The following ABCC4 variants were observed in gnomAD, a reference collection of about 807,000 sequenced individuals.
ABCC4 encodes ATP binding cassette subfamily C member 4 (PEL blood group), also known as ATP-binding cassette sub-family C member 4.
A neutral mutation model predicts 168.5 loss-of-function variants in ABCC4; 102 were observed. The ratio of observed to expected loss-of-function variants is 0.61; its 90% CI spans 0.52 to 0.71. ABCC4 has a LOEUF of 0.71. Ranked by LOEUF, ABCC4 falls within the 30% of genes least tolerant of loss-of-function variation. The pLI is 0.00. For synonymous variants in ABCC4, 617 were observed against 590.7 expected, an observed-to-expected ratio of 1.04 and a Z score of -0.65; for missense variants, 1,402 against 1,605.8, an observed-to-expected ratio of 0.87 and a Z score of 2.17.
intron 1 of ABCC4, among the ~76,000 whole-genome samples, chr13:95,270,662 C>G (rs2040824612): frequency 1.3e-5 from 2 of 152,190 alleles, no homozygotes; most frequent in Admixed American, 1.3e-4. Context: ...GATACTAAGT[C>G]TGGGACAGAG....
intron 1 of ABCC4, among the ~76,000 whole-genome samples, chr13:95,297,743 G>T (rs767635310): frequency 1.3e-5 from 2 of 152,192 alleles, no homozygotes; most frequent in Non-Finnish European, 2.9e-5. Flanking sequence ...GGCCGAGGCA[G>T]GCAGATCGCT....
chr13:95,110,977 A>G (rs35550449), intron 20 of ABCC4, among the ~76,000 whole-genome samples: 25,195 of 111,346 alleles, frequency 0.23, 1,809 homozygotes, highest in Middle Eastern at 0.32. Flanking sequence ...CAGAAAAAAA[A>G]AAAGAAAGAA....
chr13:95,043,874 T>TA (rs4148539), intron 28 of ABCC4, 87 bp from the exon 29 acceptor site: 2,072 of 761,326 alleles, frequency 2.7e-3, no homozygotes, highest in South Asian at 4.0e-3. Flanking sequence ...AATAGAGATT[T>TA]AAAAAAAAAA....
chr13:95,254,880 G>A (rs1195605767), intron 1 of ABCC4, among the ~76,000 whole-genome samples: 1 of 152,086 alleles, frequency 6.6e-6, no homozygotes, highest in Non-Finnish European at 1.5e-5. Flanking sequence ...GTTGTTTGCT[G>A]CTAAGCCACC....
intron 19 of ABCC4, 32 bp downstream of exon 19, chr13:95,161,157 A>T (rs779430297): frequency 6.4e-7 from 1 of 1,552,104 alleles, no homozygotes; most frequent in African/African-American, 1.4e-5. Flanking sequence ...TTAACAAGAC[A>T]TACTTACTGA....
Position 95,074,309 on chromosome 13 carries a change from A to C in ABCC4, c.2822T>G (p.Phe941Cys), listed in dbSNP as rs749725711. The change falls in exon 23 of 31, where the codon TTT becomes TGT. Residue 941 changes from phenylalanine (F) to cysteine (C), a missense_variant. By Grantham distance (205) the Phe-to-Cys change is radical. Transcript: ENST00000645237. The part of the protein sequence containing the change: ...QDLHSEAWFL[F>C]LTTSRWFAVR... ...GGCAAACCAGCGGGACGTTGTCAAA[A>C]ACAAGAACCAAGCCTCTGAATTTGA... is the stretch of plus-strand genomic sequence containing the variant. 1.5e-5 allele frequency: 24 copies of C among 1,612,722 alleles called. No individual in the cohort carries two copies. Among genetic ancestry groups the C allele is most frequent in the Non-Finnish European group, 2.0e-5 (24 of 1,179,430 alleles).
chr13:95,191,222 T>C (rs2038242103), intron 9 of ABCC4, among the ~76,000 whole-genome samples: 1 of 152,002 alleles, frequency 6.6e-6, no homozygotes, highest in Non-Finnish European at 1.5e-5. Context: ...AAATGAAAAA[T>C]TTACCTGGAA....
At chr13:95,222,089 C>T (rs947629673) in intron 4 of ABCC4, among the ~76,000 whole-genome samples, 2 of 152,176 alleles carry the variant, frequency 1.3e-5, no homozygotes, top group African/African-American at 4.8e-5. Flanking sequence ...GATGCTGGAG[C>T]CCCTCAGTCT....
At chr13:95,225,153 TCACACACACACACACACACACA>T (rs61398515) in intron 4 of ABCC4, among the ~76,000 whole-genome samples, 10 of 35,226 alleles carry the variant, frequency 2.8e-4, no homozygotes, top group South Asian at 1.6e-3. Context: ...TCTCTCTCTC[TCACACACACACACACACACACA>T]CACACACACA....
At chr13:95,152,654 T>C (rs1188500509) in intron 19 of ABCC4, among the ~76,000 whole-genome samples, 2 of 152,172 alleles carry the variant, frequency 1.3e-5, no homozygotes, top group East Asian at 3.8e-4. Context: ...AAACAAAATG[T>C]CACAACCTCA....
intron 20 of ABCC4, among the ~76,000 whole-genome samples, chr13:95,087,832 T>C (rs1436780590): frequency 2.0e-5 from 3 of 152,168 alleles, no homozygotes; most frequent in African/African-American, 7.2e-5. Context: ...AGGTCCCACC[T>C]GGGGAGATCT....
chr13:95,131,837 A>G (rs1408808662), intron 19 of ABCC4, among the ~76,000 whole-genome samples: 3 of 152,140 alleles, frequency 2.0e-5, no homozygotes, highest in Non-Finnish European at 4.4e-5. Context: ...GAATTCTTGT[A>G]TATAGTTGGG....
chr13:95,235,544 C>T (rs1309866014), intron 3 of ABCC4, among the ~76,000 whole-genome samples: 1 of 152,180 alleles, frequency 6.6e-6, no homozygotes, highest in African/African-American at 2.4e-5. Flanking sequence ...CCCACAGGCT[C>T]GTCTATGGGA....
chr13:95,118,095 C>T (rs935468636), intron 19 of ABCC4, among the ~76,000 whole-genome samples: 9 of 152,108 alleles, frequency 5.9e-5, no homozygotes, highest in Non-Finnish European at 1.3e-4. Context: ...CACACAGCTA[C>T]GCCAATAACT....
At chr13:95,173,838 T>C (rs772490767) in intron 13 of ABCC4, among the ~76,000 whole-genome samples, 12 of 152,148 alleles carry the variant, frequency 7.9e-5, no homozygotes, top group African/African-American at 2.2e-4. Context: ...ATGGTATTAG[T>C]AGAAGGGGCC....
intron 11 of ABCC4, among the ~76,000 whole-genome samples, chr13:95,180,302 C>T (rs2037847062): frequency 6.6e-6 from 1 of 152,070 alleles, no homozygotes; most frequent in Admixed American, 6.5e-5. Flanking sequence ...GCCTGTAATC[C>T]CAGCAATTTG....
chr13:95,235,708 G>C (rs1440180056), intron 3 of ABCC4, among the ~76,000 whole-genome samples: 1 of 127,324 alleles, frequency 7.9e-6, no homozygotes, highest in East Asian at 2.3e-4. Context: ...GCTTCAGTTG[G>C]AGTGGGGAAA....
At chr13:95,173,457 T>C (rs143796869) in intron 13 of ABCC4, among the ~76,000 whole-genome samples, 3 of 152,292 alleles carry the variant, frequency 2.0e-5, no homozygotes, top group South Asian at 2.1e-4. Flanking sequence ...GTGTCTTTCA[T>C]TTTTCTCTTT....
At chr13:95,090,595 G>A (rs779152581) in intron 20 of ABCC4, among the ~76,000 whole-genome samples, 2 of 152,108 alleles carry the variant, frequency 1.3e-5, no homozygotes, top group Admixed American at 6.6e-5. Context: ...CTATATCAAG[G>A]GAACACCCTG....
Sources: allele counts gnomAD v4.1 joint callset (sites outside exome capture counted in the v4.1 genomes callset), GRCh38; gene constraint gnomAD v4.1.1; transcripts MANE v1.5; gene names NCBI Gene and HGNC (gene_info 2026-07-23, HGNC 2026-07-21).